CACNA1G: variants seen among roughly 807,000 people sequenced by gnomAD.
CACNA1G encodes the protein calcium voltage-gated channel subunit alpha1 G.
CACNA1G carries 67 observed loss-of-function variants against 219.4 expected under a neutral mutation model. The ratio of observed to expected loss-of-function variants is 0.31; its 90% CI spans 0.25 to 0.37. The LOEUF is 0.37. Ranked by LOEUF, CACNA1G falls within the 10% of genes least tolerant of loss-of-function variation. The probability of loss-of-function intolerance (pLI) is 1.00; values close to 1 mark genes in which losing one functional copy is unlikely to be tolerated. For missense variants in CACNA1G, 2,380 were observed against 3,231.4 expected (o/e 0.74, Z 6.39); for synonymous variants, 1,296 against 1,345.3 (o/e 0.96, Z 0.80).
chr17:50,568,772 A>T (rs1244029269), intron 1 of CACNA1G, 98 bp from the exon 2 acceptor site: 1 of 904,730 alleles, frequency 1.1e-6, no homozygotes, highest in Non-Finnish European at 1.8e-6. Flanking sequence ...TTAGCCTCAG[A>T]TGGAGCCAGG....
chr17:50,576,056 T>C lies in CACNA1G; in HGVS notation c.1654T>C (p.Ser552Pro), dbSNP rs527612343. The C allele has an allele frequency of 2.4e-5, 38 of 1,580,608 alleles. No individual in the cohort carries two copies. The Admixed American group carries it at 3.6e-4, about 15-fold the overall frequency. ...LSGAPPGGAE[S>P]VHSFYHADCH... ...CGGGGCCCCCCCTGGTGGCGCAGAGTCTGTGCACAGCTTCTACCATGCCGA... is the reference window on the plus strand; with the variant it reads ...CGGGGCCCCCCCTGGTGGCGCAGAGCCTGTGCACAGCTTCTACCATGCCGA... The change falls in exon 8 of 38, where the codon TCT (serine) becomes CCT (proline). Residue 552 changes from serine to proline, a missense_variant. Ser to Pro is a moderately conservative substitution (Grantham distance 74). Around this residue, in one of 17 missense-constraint regions of CACNA1G, gnomAD observed 434 missense variants for 417.3 expected, o/e 1.04. Coordinates refer to ENST00000359106, the MANE Select transcript of CACNA1G (RefSeq NM_018896.5).
In CACNA1G at chr17:50,602,900, T is replaced by G. The variant is rs2047044511; in HGVS notation, c.3984+12T>G. 1.2e-6 allele frequency: 2 copies of G among 1,606,420 alleles called. No individual in the cohort carries two copies. The highest frequency in any genetic ancestry group is 1.7e-5 in the Admixed American group (1 of 59,600). On this transcript the variant is annotated intron_variant, in intron 20 of 37. Transcript: ENST00000359106. The stretch of plus-strand genomic sequence containing the variant: ...AAATGACAGTGAAGGTGATGGGGGC[T>G]GGTGTTGGCTTGGGACCTCTGGTTC...
intron 10 of CACNA1G, 86 bp downstream of exon 10, chr17:50,590,708 T>G: frequency 1.5e-6 from 2 of 1,338,596 alleles, no homozygotes; most frequent in Non-Finnish European, 1.0e-6. Flanking sequence ...CCTATTCCCC[T>G]GGGGTGGAGG....
chr17:50,604,925 C>T (rs930571277), intron 22 of CACNA1G, among the ~76,000 whole-genome samples: 67 of 152,278 alleles, frequency 4.4e-4, no homozygotes, highest in Non-Finnish European at 5.9e-4. Flanking sequence ...CGTGGGAGCC[C>T]CTGGGTGGCT....
chr17:50,606,112 G>A (rs1386082401), intron 23 of CACNA1G, 89 bp downstream of exon 23: 12 of 1,551,572 alleles, frequency 7.7e-6, no homozygotes, highest in East Asian at 4.5e-5. Context: ...GACTCCGGTG[G>A]AGGTGGGCTC....
rs1300289734 is a variant in CACNA1G, at chr17:50,561,553, C to T, written c.94C>T (p.Pro32Ser). 1.3e-6 allele frequency: 2 copies of T among 1,541,522 alleles called. No individual in the cohort carries two copies. The highest frequency in any genetic ancestry group is 2.4e-5 in the South Asian group (2 of 84,126). ...LNDLSGAGGR[P>S]GPGSAEKDPG... ...CGACCTGTCGGGGGCCGGGGGCCGG[C>T]CGGGGCCGGGGTCAGCAGAAAAGGA... is the stretch of plus-strand genomic sequence containing the variant. Residue 32 changes from proline to serine, a missense_variant, in exon 1 of 38, where the codon CCG (proline) becomes TCG (serine). Transcript: ENST00000359106.
Position 50,572,671 on chromosome 17 carries a change from G to T in CACNA1G, c.864G>T (p.Leu288=), listed in dbSNP as rs776050871. Residue 288 remains leucine (L), a synonymous_variant, in exon 6 of 38, where the codon CTG becomes CTT. Coordinates refer to ENST00000359106, the MANE Select transcript of CACNA1G (RefSeq NM_018896.5). The stretch of plus-strand genomic sequence containing the variant: ...GGTCCTGCAGAAGCGTGCCCACGCT[G>T]CGCGGGGACGGGGGCGGTGGCCCAC... ...GMRSCRSVPT[L]RGDGGGGPPC... is the part of the protein sequence containing the mutation. 1 of 1,610,756 alleles carries T rather than the reference G, an allele frequency of 6.2e-7. No homozygotes were observed. Among genetic ancestry groups the T allele is most frequent in the Non-Finnish European group, 8.5e-7 (1 of 1,178,502 alleles).
At chr17:50,625,118 A>T (rs1252807358) in intron 37 of CACNA1G, among the ~76,000 whole-genome samples, 1 of 152,000 alleles carries the variant, frequency 6.6e-6, no homozygotes, top group Non-Finnish European at 1.5e-5. Context: ...ATGCCTGGAT[A>T]ATTTTGTATT....
At chr17:50,608,173 A>C in intron 25 of CACNA1G, 154 bp downstream of exon 25, 1 of 682,320 alleles carries the variant, frequency 1.5e-6, no homozygotes, top group Non-Finnish European at 2.5e-6. Flanking sequence ...CCCCAAGAGC[A>C]TGTCTGCCTT....
intron 27 of CACNA1G, among the ~76,000 whole-genome samples, chr17:50,615,999 A>T (rs574649515): frequency 3.3e-5 from 5 of 152,308 alleles, no homozygotes. Flanking sequence ...CAGTCCTGGC[A>T]TGCCGTGTCA....
In CACNA1G at chr17:50,624,084, G is replaced by C; in HGVS notation, c.6229+9G>C. 6.2e-7 allele frequency: 1 copy of C among 1,607,730 alleles called. No individual in the cohort carries two copies. Among genetic ancestry groups the C allele is most frequent in the Middle Eastern group, 1.7e-4 (1 of 5,998 alleles). On this transcript the variant is annotated intron_variant, in intron 36 of 37. Transcript: ENST00000359106. The stretch of plus-strand genomic sequence containing the variant: ...CCCCAAAGCTCAGTCAGGTACCAGG[G>C]CTAGAGCAGGCCAATTTGGCTCACA...
chr17:50,605,603 G>T (rs1482904006), intron 22 of CACNA1G, among the ~76,000 whole-genome samples: 1 of 152,220 alleles, frequency 6.6e-6, no homozygotes, highest in Non-Finnish European at 1.5e-5. Context: ...TGATGCTGGG[G>T]ACTCCCACTT....
Position 50,625,965 on chromosome 17 carries a change from G to A in CACNA1G, c.6400-52G>A. ...CACAGCCAGCTTGACAGGAGGGCTA[G>A]TCCATGCTGGAGAGGAGACTGCTGG... On this transcript the variant is annotated intron_variant, in intron 37 of 37. Coordinates refer to ENST00000359106, the MANE Select transcript of CACNA1G (RefSeq NM_018896.5). 2.6e-6 allele frequency: 4 copies of A among 1,546,676 alleles called. No individual in the cohort carries two copies. In the South Asian group the frequency reaches 3.7e-5, roughly 14 times the overall value.
rs774106401 is a variant in CACNA1G, at chr17:50,596,947, T to A, written c.3258+24T>A. 2.0e-6 allele frequency: 3 copies of A among 1,500,238 alleles called. No individual in the cohort carries two copies. The highest frequency in any genetic ancestry group is 1.8e-6 in the Non-Finnish European group (2 of 1,120,870). The allele number at this position is 1,500,238 out of a possible 1,614,324, so 92.9% of individuals were successfully genotyped here. A position where few individuals can be genotyped will look rare whatever the true frequency, so the allele number is the denominator to read the frequency against. ...CGGTAGGGGGTGCATGTGGGTACCC[T>A]GATGGTGGGAGATATTCCAAGGAGG... On this transcript the variant is annotated intron_variant, in intron 16 of 37. Coordinates refer to ENST00000359106, the MANE Select transcript of CACNA1G (RefSeq NM_018896.5). The surrounding 1 kb of genome is among the most constrained non-coding windows in gnomAD (Gnocchi z 4.8).
chr17:50,580,826 G>A (rs1262786165), intron 9 of CACNA1G, among the ~76,000 whole-genome samples: 1 of 152,206 alleles, frequency 6.6e-6, no homozygotes, highest in Admixed American at 6.5e-5. Context: ...AGCGGGCTCA[G>A]GGGTGCGGAG....
intron 9 of CACNA1G, 135 bp from the exon 10 acceptor site, chr17:50,590,336 G>T: frequency 1.0e-6 from 1 of 990,070 alleles, no homozygotes; most frequent in Non-Finnish European, 1.5e-6. Flanking sequence ...CTCCCCATGG[G>T]CCTGAGCATC....
rs1427108306 is a variant in CACNA1G at position 50,618,428 on chromosome 17, A to G, written c.5427+85A>G. The G allele has an allele frequency of 5.8e-6, 9 of 1,549,192 alleles. No homozygotes were observed. Among genetic ancestry groups the G allele is most frequent in the East Asian group, 2.3e-5 (1 of 44,280 alleles). On this transcript the variant is annotated intron_variant, in intron 32 of 37. Transcript: ENST00000359106. This position sits in a 1 kb window ranked among gnomAD's most constrained non-coding sequence, Gnocchi z 5.3. ...TCCTTGGGAAGATGAATTGGCCACA[A>G]ATAAAAGCATGTGACCTTCTCTCCC...
intron 1 of CACNA1G, chr17:50,563,688 A>C (rs560840517): frequency 6.6e-6 from 1 of 152,578 alleles, no homozygotes; most frequent in African/African-American, 2.4e-5. Flanking sequence ...GTGGGAGGAC[A>C]GCACTCACCT....
rs777642421 is a variant in CACNA1G at position 50,578,173 on chromosome 17, ACT to A, written c.1925-11_1925-10del. ...CGAGACTCTGGAGCCTCTCACCTCT[ACT>A]CTCCTGTTCCAGGTGCCTGCCAAAG... On this transcript the variant is annotated splice_polypyrimidine_tract_variant and intron_variant, in intron 8 of 37. Coordinates refer to ENST00000359106, the MANE Select transcript of CACNA1G (RefSeq NM_018896.5). The surrounding 1 kb of genome is among the most constrained non-coding windows in gnomAD (Gnocchi z 4.5). 393 of 1,543,916 alleles carry A rather than the reference ACT, an allele frequency of 2.5e-4. No individual in the cohort carries two copies. Among genetic ancestry groups the A allele is most frequent in the Non-Finnish European group, 3.2e-4 (361 of 1,145,632 alleles).
Sources: gnomAD v4.1 joint callset for allele counts (sites outside exome capture counted in the v4.1 genomes callset) on GRCh38, gnomAD v4.1.1 for gene constraint, gnomAD v4.1.1 regional missense constraint, Gnocchi (gnomAD v3.1) non-coding constraint, MANE v1.5 for transcripts, NCBI Gene and HGNC (gene_info 2026-07-23, HGNC 2026-07-21) for gene names.